Variants in CAMK1D observed in about 807,000 individuals in gnomAD.
CAMK1D encodes the protein calcium/calmodulin dependent protein kinase ID.
Under a neutral mutation model 47.7 loss-of-function variants are expected in CAMK1D, and 9 were observed. The observed-to-expected ratio is 0.19, with a 90% CI of 0.11 to 0.33. CAMK1D has a LOEUF of 0.33. Ranked by LOEUF, CAMK1D falls within the 10% of genes least tolerant of loss-of-function variation. The pLI is 1.00. For missense variants in CAMK1D, 291 were observed against 488.7 expected (o/e 0.60, Z 3.81); for synonymous variants, 184 against 184.9 (o/e 0.99, Z 0.04).
chr10:12,441,996 C>T (rs1484666994), intron 1 of CAMK1D, among the ~76,000 whole-genome samples: 5 of 152,032 alleles, frequency 3.3e-5, no homozygotes, highest in Admixed American at 2.6e-4. Flanking sequence ...AATTTTCTTG[C>T]ACAATAATGT....
rs72457518 is a variant in CAMK1D, at chr10:12,833,916, TAAAAAAAAAA to T, written c.*5042_*5051del. The T allele has an allele frequency of 4.2e-5, 5 of 119,418 alleles. No individual in the cohort carries two copies. The highest frequency in any genetic ancestry group is 3.6e-4 in the Admixed American group (4 of 11,258). 7.4% of individuals were successfully genotyped at this position (119,418 alleles called of 1,614,324 possible). On this transcript the variant is annotated 3_prime_UTR_variant, in exon 11 of 11. Transcript: ENST00000619168. ...CCAGACCAAACACTGTTCAGTTTGTTAAAAAAAAAAAAAAAAAAAAAAGATGTATATACCT... is the reference window on the plus strand; with the variant it reads ...CCAGACCAAACACTGTTCAGTTTGTTAAAAAAAAAAAAGATGTATATACCT...
At chr10:12,534,295 C>T (rs1242830813) in intron 1 of CAMK1D, among the ~76,000 whole-genome samples, 3 of 152,126 alleles carry the variant, frequency 2.0e-5, no homozygotes, top group Admixed American at 6.5e-5. Flanking sequence ...CTGCAACCTC[C>T]GCCTCCCAGG....
chr10:12,567,190 A>C (rs1036964920), intron 2 of CAMK1D, among the ~76,000 whole-genome samples: 2 of 152,142 alleles, frequency 1.3e-5, no homozygotes, highest in African/African-American at 4.8e-5. Flanking sequence ...GGCAAATGCT[A>C]CTCTGGTGTG....
chr10:12,813,057 T>G (rs976232719), intron 6 of CAMK1D, among the ~76,000 whole-genome samples: 1 of 152,206 alleles, frequency 6.6e-6, no homozygotes, highest in African/African-American at 2.4e-5. Flanking sequence ...TTAATCAGAA[T>G]TTCCACTCCC....
At chr10:12,373,760 G>A (rs180927203) in intron 1 of CAMK1D, among the ~76,000 whole-genome samples, 4 of 151,370 alleles carry the variant, frequency 2.6e-5, no homozygotes, top group African/African-American at 7.3e-5. Context: ...ATGGGTTTGC[G>A]TCACATTTTC....
At chr10:12,777,083 T>C (rs1837281491) in intron 5 of CAMK1D, among the ~76,000 whole-genome samples, 1 of 152,030 alleles carries the variant, frequency 6.6e-6, no homozygotes, top group African/African-American at 2.4e-5. Context: ...TTGGGAGATG[T>C]TAATTTATGG....
intron 1 of CAMK1D, among the ~76,000 whole-genome samples, chr10:12,485,941 G>A (rs1326443799): frequency 6.6e-6 from 1 of 152,172 alleles, no homozygotes; most frequent in Non-Finnish European, 1.5e-5. Flanking sequence ...TGGCTACCAT[G>A]TCACCCAGAC....
In CAMK1D at chr10:12,412,640, A is replaced by AT. The variant is rs1839700117; in HGVS notation, c.92+62730_92+62731insT. Among the ~76,000 whole-genome samples the AT allele has an allele frequency of 2.1e-5, 3 of 145,174 alleles. No individual in the cohort carries two copies. In the South Asian group the frequency reaches 6.7e-4, roughly 32 times the overall value. On this transcript the variant is annotated intron_variant, in intron 1 of 10. Transcript: ENST00000619168. ...CGCCATCTCAAAAAAAAAAAAAAAAAGTCGAGATCGTGTCACTGCACTCCA... is the reference window on the plus strand; with the variant it reads ...CGCCATCTCAAAAAAAAAAAAAAAAATGTCGAGATCGTGTCACTGCACTCCA...
intron 3 of CAMK1D, among the ~76,000 whole-genome samples, chr10:12,683,719 A>C (rs1832539723): frequency 6.7e-6 from 1 of 149,650 alleles, no homozygotes; most frequent in Non-Finnish European, 1.5e-5. Flanking sequence ...TAAATTATGA[A>C]GTAAATGAAT....
chr10:12,553,036 C>T (rs1588625494), intron 1 of CAMK1D, among the ~76,000 whole-genome samples, 189 bp from the exon 2 acceptor site: 1 of 152,230 alleles, frequency 6.6e-6, no homozygotes. Flanking sequence ...AGCCACTGCG[C>T]CGGGCTGCCC....
chr10:12,401,537 G>A (rs1271035784), intron 1 of CAMK1D, among the ~76,000 whole-genome samples: 1 of 150,928 alleles, frequency 6.6e-6, no homozygotes, highest in African/African-American at 2.4e-5. Context: ...TGGGGTCAGG[G>A]AGCACATTCC....
At chr10:12,661,355 G>A (rs1226935857) in intron 2 of CAMK1D, among the ~76,000 whole-genome samples, 1 of 152,222 alleles carries the variant, frequency 6.6e-6, no homozygotes, top group African/African-American at 2.4e-5. Context: ...ATGGGCTAGG[G>A]AGTGAGAATA....
At chr10:12,534,613 A>G (rs1322823903) in intron 1 of CAMK1D, among the ~76,000 whole-genome samples, 1 of 152,146 alleles carries the variant, frequency 6.6e-6, no homozygotes, top group African/African-American at 2.4e-5. Flanking sequence ...TGATCTGCCC[A>G]CCTCGGCCTC....
chr10:12,542,123 C>G (rs187942141), intron 1 of CAMK1D, among the ~76,000 whole-genome samples: 241 of 152,172 alleles, frequency 1.6e-3, no homozygotes, highest in Middle Eastern at 3.4e-3. Flanking sequence ...AAGTGATCCT[C>G]CTGCCTTGGC....
chr10:12,823,499 G>A lies in CAMK1D; in HGVS notation c.834-966G>A, dbSNP rs115007350. On this transcript the variant is annotated intron_variant, in intron 8 of 10. Transcript: ENST00000619168. ...CTGTGATCGAGAAGGGCATGCATGA[G>A]GGAAGGAAGAGCTGGGAGACTGCCA... Among the ~76,000 whole-genome samples, 448 of 152,022 alleles carry A rather than the reference G, an allele frequency of 2.9e-3. 3 individuals carry two copies. The highest frequency in any genetic ancestry group is 0.01 in the African/African-American group (429 of 41,472).
intron 3 of CAMK1D, among the ~76,000 whole-genome samples, chr10:12,677,003 C>T (rs1459069554): frequency 6.6e-6 from 1 of 152,094 alleles, no homozygotes; most frequent in Non-Finnish European, 1.5e-5. Flanking sequence ...TCCTGCTGAG[C>T]TTGAAAAGCT....
Position 12,440,621 on chromosome 10 carries a change from G to A in CAMK1D, c.92+90711G>A, listed in dbSNP as rs1263098866. ...GTTTTTTTGTTTAATTTGGTGTGAC[G>A]GAAGTTGAACTCAGTGGCACACTTT... On this transcript the variant is annotated intron_variant, in intron 1 of 10. Transcript: ENST00000619168. 6.6e-5 allele frequency among the ~76,000 whole-genome samples: 10 copies of A among 152,140 alleles called. No individual in the cohort carries two copies. The South Asian group carries it at 1.0e-3, about 16-fold the overall frequency.
At chr10:12,440,570 G>A (rs1832758341) in intron 1 of CAMK1D, among the ~76,000 whole-genome samples, 1 of 152,174 alleles carries the variant, frequency 6.6e-6, no homozygotes, top group African/African-American at 2.4e-5. Context: ...TTACAGGTGT[G>A]AGCCACCATG....
At chr10:12,580,119 G>A (rs1170577223) in intron 2 of CAMK1D, among the ~76,000 whole-genome samples, 1 of 152,096 alleles carries the variant, frequency 6.6e-6, no homozygotes. Flanking sequence ...AGGGCCTTTC[G>A]GCACAGCCAG....
Sources: allele counts gnomAD v4.1 joint callset (sites outside exome capture counted in the v4.1 genomes callset), GRCh38; gene constraint gnomAD v4.1.1; transcripts MANE v1.5; gene names NCBI Gene and HGNC (gene_info 2026-07-23, HGNC 2026-07-21).